STAT1: variants seen among roughly 807,000 people sequenced by gnomAD.
STAT1 encodes signal transducer and activator of transcription 1-alpha/beta.
Under a neutral mutation model 111.7 loss-of-function variants are expected in STAT1, and 24 were observed. The ratio of observed to expected loss-of-function variants is 0.21; its 90% CI spans 0.16 to 0.30. STAT1 has a LOEUF of 0.30. Ranked by LOEUF, STAT1 falls within the 10% of genes least tolerant of loss-of-function variation. The pLI is 1.00. For synonymous variants in STAT1, 332 were observed against 326.5 expected, an observed-to-expected ratio of 1.02 and a Z score of -0.18; for missense variants, 351 against 911.9, an observed-to-expected ratio of 0.38 and a Z score of 7.92.
rs755608463 is a variant in STAT1, at chr2:190,986,869, A to T, written c.1206T>A (p.Ala402=). Residue 402 remains alanine (A), a synonymous_variant, in exon 14 of 25, where the codon GCT becomes GCA. Coordinates refer to ENST00000361099, the MANE Select transcript of STAT1 (RefSeq NM_007315.4). This position sits in a 1 kb window ranked among gnomAD's most constrained non-coding sequence, Gnocchi z 5.0. ...MEESTNGSLA[A]EFRHLQLKEQ... ...ATGTCCCTACCAGGTGCCGAAATTCAGCCGCCAGACTGCCATTGGTGGACT... is the reference window on the plus strand; with the variant it reads ...ATGTCCCTACCAGGTGCCGAAATTCTGCCGCCAGACTGCCATTGGTGGACT... 1 of 1,614,106 alleles carries T rather than the reference A, an allele frequency of 6.2e-7. No homozygotes were observed. The highest frequency in any genetic ancestry group is 1.3e-5 in the African/African-American group (1 of 74,940).
rs896334428 is a variant in STAT1 at position 190,980,427 on chromosome 2, C to T, written c.1632+193G>A. On this transcript the variant is annotated intron_variant, in intron 19 of 24. Coordinates refer to ENST00000361099, the MANE Select transcript of STAT1 (RefSeq NM_007315.4). The surrounding 1 kb of genome is among the most constrained non-coding windows in gnomAD (Gnocchi z 6.1). ...AATGTTATCACTCAGGCAGGTGCTT[C>T]CTGTCAGACTCCTGCTCGGAGACCA... 6.6e-6 allele frequency among the ~76,000 whole-genome samples: 1 copy of T among 152,240 alleles called. No individual in the cohort carries two copies. The highest frequency in any genetic ancestry group is 1.5e-5 in the Non-Finnish European group (1 of 68,034).
rs184180073 is a variant in STAT1, at chr2:190,969,751, T to C, written c.*952A>G. ...TGTCAGTTACTGCTTTTTCTACTCC[T>C]TTCCCAATTTTGTGGCTAATAGACT... On this transcript the variant is annotated 3_prime_UTR_variant, in exon 25 of 25. Transcript: ENST00000361099. The C allele has an allele frequency of 2.0e-5, 3 of 152,356 alleles. No homozygotes were observed. The highest frequency in any genetic ancestry group is 4.4e-5 in the Non-Finnish European group (3 of 68,024). The allele number at this position is 152,356 out of a possible 1,614,324, so 9.4% of individuals were successfully genotyped here. A position where few individuals can be genotyped will look rare whatever the true frequency, so the allele number is the denominator to read the frequency against.
In STAT1 at chr2:190,999,580, GA is replaced by G. The variant is rs765925359; in HGVS notation, c.541+45del. ...TCATCTTCGTTATCTAGTGTGAACA[GA>G]AAAAATTGCAGCCAACGGGCACCAC... On this transcript the variant is annotated intron_variant, in intron 7 of 24. Transcript: ENST00000361099. This position sits in a 1 kb window ranked among gnomAD's most constrained non-coding sequence, Gnocchi z 4.1. 2.9e-6 allele frequency: 4 copies of G among 1,368,070 alleles called. No homozygotes were observed. The highest frequency in any genetic ancestry group is 4.2e-6 in the Non-Finnish European group (4 of 956,012). 84.7% of individuals were successfully genotyped at this position (1,368,070 alleles called of 1,614,324 possible).
In STAT1 at chr2:191,001,058, T is replaced by C. The variant is rs1694234420; in HGVS notation, c.462+16A>G. 3 of 1,595,520 alleles carry C rather than the reference T, an allele frequency of 1.9e-6. No individual in the cohort carries two copies. The highest frequency in any genetic ancestry group is 2.2e-5 in the East Asian group (1 of 44,788). On this transcript the variant is annotated intron_variant, in intron 6 of 24. Coordinates refer to ENST00000361099, the MANE Select transcript of STAT1 (RefSeq NM_007315.4). Reference sequence around the variant, plus strand: ...GAAAGTTTCAGAATAAATGCATGTGTTTACTCAATACTCACCATAACCTTG... The same window carrying C: ...GAAAGTTTCAGAATAAATGCATGTGCTTACTCAATACTCACCATAACCTTG...
rs1694069848 is a variant in STAT1, at chr2:190,999,079, T to C, written c.541+547A>G. On this transcript the variant is annotated intron_variant, in intron 7 of 24. Transcript: ENST00000361099. The surrounding 1 kb of genome is among the most constrained non-coding windows in gnomAD (Gnocchi z 4.1). Reference sequence around the variant, plus strand: ...CTTGAGATCTTTTCTGTTGCTACTCTCATTAAAAACACGCAACAGTAAGAA... The same window carrying C: ...CTTGAGATCTTTTCTGTTGCTACTCCCATTAAAAACACGCAACAGTAAGAA... 2.6e-5 allele frequency among the ~76,000 whole-genome samples: 4 copies of C among 152,152 alleles called. No homozygotes were observed. The highest frequency in any genetic ancestry group is 4.1e-4 in the South Asian group (2 of 4,830).
Position 190,970,910 on chromosome 2 carries a change from T to A in STAT1, c.2239-193A>T, listed in dbSNP as rs1451220418. On this transcript the variant is annotated intron_variant, in intron 24 of 24. Coordinates refer to ENST00000361099, the MANE Select transcript of STAT1 (RefSeq NM_007315.4). The surrounding 1 kb of genome is among the most constrained non-coding windows in gnomAD (Gnocchi z 5.4). Reference sequence around the variant, plus strand: ...CCTGGGCTAATCAAGACCTTTTATATCACCTAAGCTGACGGATTATTACTC... The same window carrying A: ...CCTGGGCTAATCAAGACCTTTTATAACACCTAAGCTGACGGATTATTACTC... 6.6e-6 allele frequency among the ~76,000 whole-genome samples: 1 copy of A among 152,256 alleles called. No homozygotes were observed. The highest frequency in any genetic ancestry group is 1.5e-5 in the Non-Finnish European group (1 of 68,048).
At chr2:190,988,003 CAGA>C (rs1379042009) in intron 12 of STAT1, among the ~76,000 whole-genome samples, 4 of 152,222 alleles carry the variant, frequency 2.6e-5, no homozygotes, top group Non-Finnish European at 5.9e-5. Flanking sequence ...TGAGCTGACG[CAGA>C]AGATGGTAAA....
chr2:190,991,466 G>C, intron 10 of STAT1, 146 bp from the exon 11 acceptor site: 1 of 782,208 alleles, frequency 1.3e-6, no homozygotes, highest in Non-Finnish European at 2.2e-6. Flanking sequence ...GATGAACAAA[G>C]TGATATTTTC....
At position 190,986,063 on chromosome 2, in the gene STAT1, C is replaced by T. The variant is rs1272776265; in HGVS notation, c.1222-403G>A. 3.3e-5 allele frequency among the ~76,000 whole-genome samples: 5 copies of T among 152,192 alleles called. No homozygotes were observed. The stretch of plus-strand genomic sequence containing the variant: ...CACCTGCCCTCAAGTGGACGTCAAT[C>T]TCTGAGCTGTCAATCCCTGAGCTGA... On this transcript the variant is annotated intron_variant, in intron 14 of 24. Transcript: ENST00000361099. This position sits in a 1 kb window ranked among gnomAD's most constrained non-coding sequence, Gnocchi z 5.0.
At position 190,983,519 on chromosome 2, in the gene STAT1, TA is replaced by T. The variant is rs1214791228; in HGVS notation, c.1446+122del. ...CAGATTTACTCAAAAGCCTTAGAAA[TA>T]CCACAGGAGCTTTGTCACTTCTCCC... On this transcript the variant is annotated intron_variant, in intron 17 of 24. Coordinates refer to ENST00000361099, the MANE Select transcript of STAT1 (RefSeq NM_007315.4). The surrounding 1 kb of genome is among the most constrained non-coding windows in gnomAD (Gnocchi z 5.7). The T allele has an allele frequency of 5.8e-6, 5 of 861,364 alleles. No individual in the cohort carries two copies. The highest frequency in any genetic ancestry group is 1.7e-5 in the African/African-American group (1 of 60,572). 53.4% of individuals were successfully genotyped at this position (861,364 alleles called of 1,614,324 possible). A position where few individuals can be genotyped will look rare whatever the true frequency, so the allele number is the denominator to read the frequency against.
Position 190,997,750 on chromosome 2 carries a change from C to G in STAT1, c.785+106G>C. On this transcript the variant is annotated intron_variant, in intron 9 of 24. Coordinates refer to ENST00000361099, the MANE Select transcript of STAT1 (RefSeq NM_007315.4). This position sits in a 1 kb window ranked among gnomAD's most constrained non-coding sequence, Gnocchi z 7.3. The stretch of plus-strand genomic sequence containing the variant: ...AAGCTGGACTATGTCAAACTCTATA[C>G]TAATGTTTTGACAGGGTCCATTCAA... 6.6e-7 allele frequency: 1 copy of G among 1,517,330 alleles called. No homozygotes were observed. Among genetic ancestry groups the G allele is most frequent in the East Asian group, 2.3e-5 (1 of 44,170 alleles). 94.0% of individuals were successfully genotyped at this position (1,517,330 alleles called of 1,614,324 possible).
chr2:190,989,481 G>A lies in STAT1; in HGVS notation c.1097+134C>T. On this transcript the variant is annotated intron_variant, in intron 12 of 24. Transcript: ENST00000361099. This position sits in a 1 kb window ranked among gnomAD's most constrained non-coding sequence, Gnocchi z 5.0. ...CTGGGTTCAGCCCTGGGGCCCTAGG[G>A]AGGCAAACTTCCACCCAGTATAGAC... is the stretch of plus-strand genomic sequence containing the variant. 1.6e-6 allele frequency: 1 copy of A among 609,512 alleles called. No individual in the cohort carries two copies. Among genetic ancestry groups the A allele is most frequent in the East Asian group, 3.0e-5 (1 of 33,790 alleles). 37.8% of individuals were successfully genotyped at this position (609,512 alleles called of 1,614,324 possible).
At position 190,998,628 on chromosome 2, in the gene STAT1, C is replaced by G. The variant is rs1200431649; in HGVS notation, c.542-320G>C. Among the ~76,000 whole-genome samples the G allele has an allele frequency of 1.3e-5, 2 of 150,712 alleles. No individual in the cohort carries two copies. The highest frequency in any genetic ancestry group is 4.9e-5 in the African/African-American group (2 of 40,944). ...AGTGAGCCGAGATCTCGCCACTGCA[C>G]TCTAGCCTGGGCGACAGAGCGAGAC... On this transcript the variant is annotated intron_variant, in intron 7 of 24. Coordinates refer to ENST00000361099, the MANE Select transcript of STAT1 (RefSeq NM_007315.4). This position sits in a 1 kb window ranked among gnomAD's most constrained non-coding sequence, Gnocchi z 4.1.
Position 191,007,986 on chromosome 2 carries a change from A to G in STAT1, c.274-325T>C, listed in dbSNP as rs948262654. ...TTATCTTTGGTTAGGATCCCGAGACAATGCAAATGATATAAAAACTATACA... is the reference window on the plus strand; with the variant it reads ...TTATCTTTGGTTAGGATCCCGAGACGATGCAAATGATATAAAAACTATACA... On this transcript the variant is annotated intron_variant, in intron 4 of 24. Coordinates refer to ENST00000361099, the MANE Select transcript of STAT1 (RefSeq NM_007315.4). This position sits in a 1 kb window ranked among gnomAD's most constrained non-coding sequence, Gnocchi z 4.2. The G allele has an allele frequency of 4.2e-6, 2 of 473,342 alleles. No homozygotes were observed. The highest frequency in any genetic ancestry group is 2.0e-5 in the African/African-American group (1 of 50,934). The allele number at this position is 473,342 out of a possible 1,614,324, so 29.3% of individuals were successfully genotyped here. A position where few individuals can be genotyped will look rare whatever the true frequency, so the allele number is the denominator to read the frequency against.
In STAT1 at chr2:191,008,353, A is replaced by G. The variant is rs539257054; in HGVS notation, c.273+610T>C. Reference sequence around the variant, plus strand: ...CAGAAAAGTTCTGTTATTACACAACATAAATATGATAGCCACCCCAAGGGC... The same window carrying G: ...CAGAAAAGTTCTGTTATTACACAACGTAAATATGATAGCCACCCCAAGGGC... On this transcript the variant is annotated intron_variant, in intron 4 of 24. Transcript: ENST00000361099. 9.8e-5 allele frequency among the ~76,000 whole-genome samples: 15 copies of G among 152,368 alleles called. No individual in the cohort carries two copies. In the East Asian group the frequency reaches 2.3e-3, roughly 23 times the overall value.
rs4853532 is a variant in STAT1 at position 190,971,945 on chromosome 2, G to T, written c.2239-1228C>A. 0.83 allele frequency among the ~76,000 whole-genome samples: 125,477 copies of T among 152,054 alleles called. 52,693 individuals carry two copies. Among genetic ancestry groups the T allele is most frequent in the Non-Finnish European group, 0.9 (61,156 of 67,996 alleles). On this transcript the variant is annotated intron_variant, in intron 24 of 24. Coordinates refer to ENST00000361099, the MANE Select transcript of STAT1 (RefSeq NM_007315.4). The surrounding 1 kb of genome is among the most constrained non-coding windows in gnomAD (Gnocchi z 4.1). ...CCAGGCTGGTCTCAAACTCCTGATC[G>T]CAGGTGATCCACCTGCCCCGGCCTC...
At chr2:191,011,049 G>C (rs963337106) in intron 2 of STAT1, among the ~76,000 whole-genome samples, 4 of 152,170 alleles carry the variant, frequency 2.6e-5, no homozygotes, top group African/African-American at 9.7e-5. Flanking sequence ...TTTCAAGTAG[G>C]GCATGGAAGA....
rs1364890694 is a variant in STAT1, at chr2:191,004,849, C to G, written c.372+2714G>C. On this transcript the variant is annotated intron_variant, in intron 5 of 24. Coordinates refer to ENST00000361099, the MANE Select transcript of STAT1 (RefSeq NM_007315.4). The surrounding 1 kb of genome is among the most constrained non-coding windows in gnomAD (Gnocchi z 5.0). ...AGGAAGCTTAGAATCCACCTCATGT[C>G]TTTCCCTCCCACCTGAAAGAAATTC... Among the ~76,000 whole-genome samples the G allele has an allele frequency of 6.6e-6, 1 of 152,184 alleles. No homozygotes were observed. The highest frequency in any genetic ancestry group is 1.5e-5 in the Non-Finnish European group (1 of 68,044).
At position 190,999,484 on chromosome 2, in the gene STAT1, G is replaced by T; in HGVS notation, c.541+142C>A. 1 of 701,738 alleles carries T rather than the reference G, an allele frequency of 1.4e-6. No homozygotes were observed. Among genetic ancestry groups the T allele is most frequent in the Non-Finnish European group, 2.6e-6 (1 of 385,672 alleles). The allele number at this position is 701,738 out of a possible 1,614,324, so 43.5% of individuals were successfully genotyped here. ...CGAAATGTCAATAATATTGGATGTT[G>T]AGAAGCCCTGGCCTGGGTTATCAAG... On this transcript the variant is annotated intron_variant, in intron 7 of 24. Coordinates refer to ENST00000361099, the MANE Select transcript of STAT1 (RefSeq NM_007315.4). This position sits in a 1 kb window ranked among gnomAD's most constrained non-coding sequence, Gnocchi z 4.1.
Sources: gnomAD v4.1 joint callset for allele counts (sites outside exome capture counted in the v4.1 genomes callset) on GRCh38, gnomAD v4.1.1 for gene constraint, Gnocchi (gnomAD v3.1) non-coding constraint, MANE v1.5 for transcripts, NCBI Gene and HGNC (gene_info 2026-07-23, HGNC 2026-07-21) for gene names.